Variants in ADPRHL1 observed in about 807,000 individuals in gnomAD.
ADPRHL1 encodes the protein ADP-ribosylhydrolase like 1.
A neutral mutation model predicts 44.1 loss-of-function variants in ADPRHL1; 43 were observed. That is an observed-to-expected ratio of 0.98 (90% confidence interval 0.76 to 1.26). The LOEUF is 1.26. Ranked by LOEUF, ADPRHL1 falls within the 50% of genes most tolerant of loss-of-function variation. ADPRHL1 has a pLI of 0.00. For synonymous variants in ADPRHL1, 878 were observed against 1,017.4 expected (o/e 0.86, Z 2.61); for missense variants, 2,022 against 2,496.9 (o/e 0.81, Z 4.05).
At chr13:113,416,962 C>A (rs1021829585) in intron 7 of ADPRHL1, among the ~76,000 whole-genome samples, 2 of 152,206 alleles carry the variant, frequency 1.3e-5, no homozygotes, top group Non-Finnish European at 2.9e-5. Context: ...AAAATATTAA[C>A]GGCTGCTGAT....
Position 113,401,503 on chromosome 13 carries a change from C to G in ADPRHL1, c.*1875G>C, listed in dbSNP as rs903911438. Reference sequence around the variant, plus strand: ...CAGCTGGGCTGCCCCGGGACCCACACGCGCGAGGGGCACCCGGTGCTCAGG... The same window carrying G: ...CAGCTGGGCTGCCCCGGGACCCACAGGCGCGAGGGGCACCCGGTGCTCAGG... On this transcript the variant is annotated 3_prime_UTR_variant, in exon 8 of 8. Transcript: ENST00000612156. The surrounding 1 kb of genome is among the most constrained non-coding windows in gnomAD (Gnocchi z 5.5). The G allele has an allele frequency of 1.3e-5, 2 of 152,330 alleles. No homozygotes were observed. Among genetic ancestry groups the G allele is most frequent in the Admixed American group, 1.3e-4 (2 of 15,282 alleles). 9.4% of individuals were successfully genotyped at this position (152,330 alleles called of 1,614,324 possible).
At chr13:113,420,490 A>G (rs9577539) in intron 7 of ADPRHL1, among the ~76,000 whole-genome samples, 1 of 152,198 alleles carries the variant, frequency 6.6e-6, no homozygotes, top group East Asian at 1.9e-4. Context: ...CAAAACAGGT[A>G]CTACGACCGT....
rs562533075 is a variant in ADPRHL1, at chr13:113,434,825, A to C, written c.380-958T>G. 8.4e-5 allele frequency among the ~76,000 whole-genome samples: 10 copies of C among 119,536 alleles called. 1 individual carries two copies. Among genetic ancestry groups the C allele is most frequent in the Non-Finnish European group, 1.6e-4 (9 of 57,262 alleles). 78.4% of individuals were successfully genotyped at this position (119,536 alleles called of 152,430 possible). ...GACCCGGCACCCATGCATAGAGTGA[A>C]CATAGGTGTACCCCGGGACCCGGCA... On this transcript the variant is annotated intron_variant, in intron 2 of 7. Coordinates refer to ENST00000612156, the MANE Select transcript of ADPRHL1 (RefSeq NM_001394807.1).
chr13:113,425,502 G>A (rs1165705822), intron 4 of ADPRHL1, among the ~76,000 whole-genome samples: 1 of 151,550 alleles, frequency 6.6e-6, no homozygotes, highest in African/African-American at 2.4e-5. Context: ...CTCCCGAGTA[G>A]CTGGGATTAC....
rs946653197 is a variant in ADPRHL1, at chr13:113,441,284, CTT to C, written c.379+3139_379+3140del. ...TCGCATTTGGCGTCATTATTATTAT[CTT>C]GTTTGTTTTCTACCTGTACTGTCTA... is the stretch of plus-strand genomic sequence containing the variant. On this transcript the variant is annotated intron_variant, in intron 2 of 7. Coordinates refer to ENST00000612156, the MANE Select transcript of ADPRHL1 (RefSeq NM_001394807.1). The surrounding 1 kb of genome is among the most constrained non-coding windows in gnomAD (Gnocchi z 6.0). Among the ~76,000 whole-genome samples the C allele has an allele frequency of 1.3e-5, 2 of 152,124 alleles. No individual in the cohort carries two copies. The highest frequency in any genetic ancestry group is 4.8e-5 in the African/African-American group (2 of 41,412).
At chr13:113,428,781 G>A (rs573555761) in intron 4 of ADPRHL1, among the ~76,000 whole-genome samples, 171 bp downstream of exon 4, 2 of 152,364 alleles carry the variant, frequency 1.3e-5, no homozygotes, top group South Asian at 4.1e-4. Flanking sequence ...GACTGGTCAG[G>A]AGCAGCATGG....
At chr13:113,408,335 G>T in intron 7 of ADPRHL1, 115 bp from the exon 8 acceptor site, 1 of 1,075,508 alleles carries the variant, frequency 9.3e-7, no homozygotes, top group Non-Finnish European at 1.2e-6. Context: ...AAGTCTGGTA[G>T]GGAGAAAAAG....
chr13:113,450,961 C>CCA (rs929562224), intron 1 of ADPRHL1, among the ~76,000 whole-genome samples: 1 of 150,764 alleles, frequency 6.6e-6, no homozygotes, highest in African/African-American at 2.5e-5. Flanking sequence ...GACCCCCCCC[C>CCA]CCTTCCTGGT....
intron 7 of ADPRHL1, among the ~76,000 whole-genome samples, chr13:113,420,520 G>A (rs746779173): frequency 2.6e-5 from 4 of 152,116 alleles, no homozygotes; most frequent in African/African-American, 9.7e-5. Context: ...GCTAGCAACA[G>A]TTCCGACTTA....
intron 1 of ADPRHL1, among the ~76,000 whole-genome samples, chr13:113,450,956 C>A (rs1284401189): frequency 1.3e-5 from 2 of 151,400 alleles, no homozygotes. Flanking sequence ...AGGGAGACCC[C>A]CCCCCCCTTC....
chr13:113,423,455 C>T (rs2043941514), intron 6 of ADPRHL1, among the ~76,000 whole-genome samples: 1 of 152,224 alleles, frequency 6.6e-6, no homozygotes. Flanking sequence ...ACGGAGGAAA[C>T]CCCTCCAGGG....
At chr13:113,437,759 G>C (rs1158838022) in intron 2 of ADPRHL1, among the ~76,000 whole-genome samples, 1 of 152,226 alleles carries the variant, frequency 6.6e-6, no homozygotes, top group African/African-American at 2.4e-5. Flanking sequence ...ACCAGATCCT[G>C]GTGTGGACAG....
chr13:113,405,804 G>A lies in ADPRHL1; in HGVS notation c.3478C>T (p.Pro1160Ser), dbSNP rs2043803981. 8.1e-7 allele frequency: 1 copy of A among 1,231,804 alleles called. No individual in the cohort carries two copies. The highest frequency in any genetic ancestry group is 1.0e-6 in the Non-Finnish European group (1 of 988,030). 76.3% of individuals were successfully genotyped at this position (1,231,804 alleles called of 1,614,324 possible). ...TCTCGAGGGAGAGCCTCTCCTCTGGGGTGGCTTTCGGACAAGGCTCTGCTT... is the reference window on the plus strand; with the variant it reads ...TCTCGAGGGAGAGCCTCTCCTCTGGAGTGGCTTTCGGACAAGGCTCTGCTT... ...WGSRALSESH[P>S]RGEALPRDPH... Residue 1160 changes from proline (P) to serine (S), a missense_variant, in exon 8 of 8, where the codon CCC (proline) becomes TCC (serine). Physicochemically the swap from Pro to Ser is moderately conservative, Grantham distance 74 (BLOSUM62 -1). Around this residue, in one of 8 missense-constraint regions of ADPRHL1, gnomAD observed 1,221 missense variants for 1,517.8 expected, o/e 0.80. Transcript: ENST00000612156.
Position 113,402,109 on chromosome 13 carries a change from C to G in ADPRHL1, c.*1269G>C, listed in dbSNP as rs1287311978. Reference sequence around the variant, plus strand: ...AATTAACTTTCCACAGGGAGGGCACCACCAAAAACAAGGGTGCGGGGCTGT... The same window carrying G: ...AATTAACTTTCCACAGGGAGGGCACGACCAAAAACAAGGGTGCGGGGCTGT... On this transcript the variant is annotated 3_prime_UTR_variant, in exon 8 of 8. Transcript: ENST00000612156. The G allele has an allele frequency of 6.6e-6, 1 of 152,272 alleles. No individual in the cohort carries two copies. Among genetic ancestry groups the G allele is most frequent in the Non-Finnish European group, 1.5e-5 (1 of 68,072 alleles). 9.4% of individuals were successfully genotyped at this position (152,272 alleles called of 1,614,324 possible). A position where few individuals can be genotyped will look rare whatever the true frequency, so the allele number is the denominator to read the frequency against.
intron 7 of ADPRHL1, among the ~76,000 whole-genome samples, chr13:113,421,011 A>C (rs2043914961): frequency 2.0e-5 from 2 of 97,942 alleles, no homozygotes; most frequent in Admixed American, 1.3e-4. Context: ...GGACATGCCT[A>C]CCCCTGGGAC....
At chr13:113,418,328 C>T (rs1248413954) in intron 7 of ADPRHL1, among the ~76,000 whole-genome samples, 1 of 152,194 alleles carries the variant, frequency 6.6e-6, no homozygotes, top group African/African-American at 2.4e-5. Context: ...GCATGGTTCT[C>T]GGTCTGACGG....
intron 4 of ADPRHL1, among the ~76,000 whole-genome samples, chr13:113,426,585 C>T (rs1488605752): frequency 6.6e-6 from 1 of 152,238 alleles, no homozygotes; most frequent in Non-Finnish European, 1.5e-5. Context: ...CTCACAGGCA[C>T]CCGCGACTCA....
chr13:113,418,942 G>T (rs1371655670), intron 7 of ADPRHL1, among the ~76,000 whole-genome samples: 1 of 78,062 alleles, frequency 1.3e-5, no homozygotes, highest in African/African-American at 4.7e-5. Flanking sequence ...GCTACACCTT[G>T]CTGGGCCTAA....
At position 113,441,984 on chromosome 13, in the gene ADPRHL1, C is replaced by T. The variant is rs748969661; in HGVS notation, c.379+2441G>A. ...CCACGCGGCGTCCGCGTCTCTATCACGCTGTGTCCTGTGGCGCGGGTCTCT... is the reference window on the plus strand; with the variant it reads ...CCACGCGGCGTCCGCGTCTCTATCATGCTGTGTCCTGTGGCGCGGGTCTCT... On this transcript the variant is annotated intron_variant, in intron 2 of 7. Transcript: ENST00000612156. This position sits in a 1 kb window ranked among gnomAD's most constrained non-coding sequence, Gnocchi z 6.0. 8.5e-5 allele frequency among the ~76,000 whole-genome samples: 13 copies of T among 152,276 alleles called. No homozygotes were observed. The highest frequency in any genetic ancestry group is 1.9e-4 in the East Asian group (1 of 5,202).
Sources: allele counts gnomAD v4.1 joint callset (sites outside exome capture counted in the v4.1 genomes callset), GRCh38; gene constraint gnomAD v4.1.1; regional missense constraint gnomAD v4.1.1; non-coding constraint Gnocchi (gnomAD v3.1); transcripts MANE v1.5; gene names NCBI Gene and HGNC (gene_info 2026-07-23, HGNC 2026-07-21).